CARS1: variants seen among roughly 807,000 people sequenced by gnomAD.
CARS1 encodes cysteine--tRNA ligase, cytoplasmic.
A neutral mutation model predicts 106.2 loss-of-function variants in CARS1; 48 were observed. That is an observed-to-expected ratio of 0.45 (90% CI 0.36 to 0.57). CARS1 has a LOEUF of 0.57. Ranked by LOEUF, CARS1 falls within the 20% of genes least tolerant of loss-of-function variation. The pLI, the probability that CARS1 is intolerant of heterozygous loss-of-function variation, is 0.00. For missense variants in CARS1, 968 were observed against 1,057.2 expected, an observed-to-expected ratio of 0.92 and a Z score of 1.17; for synonymous variants, 409 against 403.4, an observed-to-expected ratio of 1.01 and a Z score of -0.17.
rs1373616997 is a variant in CARS1 at position 3,019,842 on chromosome 11, C to T, written c.1266+378G>A. ...CCTTGACAGCTGCAGATGGTCACGC[C>T]CCTTCCTAGGGTACCCTGCAGTCAA... On this transcript the variant is annotated intron_variant, in intron 11 of 22. Coordinates refer to ENST00000380525, the MANE Select transcript of CARS1 (RefSeq NM_001014437.3). The surrounding 1 kb of genome is among the most constrained non-coding windows in gnomAD (Gnocchi z 6.2). Among the ~76,000 whole-genome samples the T allele has an allele frequency of 6.6e-6, 1 of 152,134 alleles. No homozygotes were observed. The highest frequency in any genetic ancestry group is 1.5e-5 in the Non-Finnish European group (1 of 67,994).
rs1469995236 is a variant in CARS1, at chr11:3,044,745, G to A, written c.275-2489C>T. 6.6e-6 allele frequency among the ~76,000 whole-genome samples: 1 copy of A among 152,088 alleles called. No individual in the cohort carries two copies. The highest frequency in any genetic ancestry group is 1.5e-5 in the Non-Finnish European group (1 of 68,032). On this transcript the variant is annotated intron_variant, in intron 2 of 22. Transcript: ENST00000380525. This position sits in a 1 kb window ranked among gnomAD's most constrained non-coding sequence, Gnocchi z 4.4. ...TGAACACACATTCGTTGATTCCAGA[G>A]TCCCACCCTGACCTGAGTGATCCAA...
intron 17 of CARS1, among the ~76,000 whole-genome samples, chr11:3,015,448 C>G (rs6578314): frequency 6.6e-6 from 1 of 152,242 alleles, no homozygotes; most frequent in East Asian, 1.9e-4. Context: ...GTATATGTGA[C>G]GAAGTCATGT....
intron 18 of CARS1, among the ~76,000 whole-genome samples, chr11:3,011,725 A>G (rs1288303950): frequency 6.6e-6 from 1 of 152,132 alleles, no homozygotes; most frequent in Non-Finnish European, 1.5e-5. Context: ...CAGAAAAGGG[A>G]ACCCTGGAAG....
At chr11:3,056,853 G>A (rs1026638525) in intron 1 of CARS1, among the ~76,000 whole-genome samples, 1 of 152,238 alleles carries the variant, frequency 6.6e-6, no homozygotes, top group Non-Finnish European at 1.5e-5. Context: ...CCGGGGTGAG[G>A]ATGCAAGGGG....
rs1265572198 is a variant in CARS1, at chr11:3,034,656, A to T, written c.801+3394T>A. On this transcript the variant is annotated intron_variant, in intron 7 of 22. Coordinates refer to ENST00000380525, the MANE Select transcript of CARS1 (RefSeq NM_001014437.3). The surrounding 1 kb of genome is among the most constrained non-coding windows in gnomAD (Gnocchi z 6.3). ...GGGATTCTCCCACCTCAGCCTCCCA[A>T]GTAGCTGGGATTACAGGCACACGCC... 6.6e-6 allele frequency among the ~76,000 whole-genome samples: 1 copy of T among 151,900 alleles called. No individual in the cohort carries two copies. The highest frequency in any genetic ancestry group is 2.4e-5 in the African/African-American group (1 of 41,316).
At position 3,043,740 on chromosome 11, in the gene CARS1, A is replaced by G. The variant is rs1362401553; in HGVS notation, c.275-1484T>C. Among the ~76,000 whole-genome samples the G allele has an allele frequency of 1.3e-5, 2 of 152,106 alleles. No homozygotes were observed. Among genetic ancestry groups the G allele is most frequent in the Non-Finnish European group, 2.9e-5 (2 of 68,016 alleles). On this transcript the variant is annotated intron_variant, in intron 2 of 22. Coordinates refer to ENST00000380525, the MANE Select transcript of CARS1 (RefSeq NM_001014437.3). The surrounding 1 kb of genome is among the most constrained non-coding windows in gnomAD (Gnocchi z 4.0). ...TCTCTTGGCCTCCCGGCTCTAGCTC[A>G]GGCCACACGAGCCAGGACGGCAGAC...
At position 3,044,340 on chromosome 11, in the gene CARS1, T is replaced by C. The variant is rs1330919086; in HGVS notation, c.275-2084A>G. Among the ~76,000 whole-genome samples the C allele has an allele frequency of 1.3e-5, 2 of 152,048 alleles. No individual in the cohort carries two copies. The highest frequency in any genetic ancestry group is 2.9e-5 in the Non-Finnish European group (2 of 68,014). ...GCGATGGGCTCCCCAGGAAAACGGG[T>C]TACCAGGCCCAGATATACAAATTCA... On this transcript the variant is annotated intron_variant, in intron 2 of 22. Coordinates refer to ENST00000380525, the MANE Select transcript of CARS1 (RefSeq NM_001014437.3). The surrounding 1 kb of genome is among the most constrained non-coding windows in gnomAD (Gnocchi z 4.4).
intron 10 of CARS1, among the ~76,000 whole-genome samples, chr11:3,024,102 AGG>A (rs1481282668): frequency 6.6e-6 from 1 of 152,138 alleles, no homozygotes; most frequent in African/African-American, 2.4e-5. Flanking sequence ...CACATTGGCC[AGG>A]CTGGTCTCGA....
chr11:3,057,123 C>G (rs1428675506), intron 1 of CARS1, among the ~76,000 whole-genome samples: 1 of 152,052 alleles, frequency 6.6e-6, no homozygotes, highest in Admixed American at 6.6e-5. Flanking sequence ...CCGAGCACCC[C>G]CGCCCCTCGG....
intron 7 of CARS1, among the ~76,000 whole-genome samples, chr11:3,032,029 TCCC>T (rs1852868145): frequency 1.8e-4 from 2 of 11,258 alleles, no homozygotes; most frequent in South Asian, 0.017. Flanking sequence ...CCTCCCTCCC[TCCC>T]TCCCTCCCTC....
chr11:3,055,092 G>A, intron 1 of CARS1: 1 of 623,172 alleles, frequency 1.6e-6, no homozygotes, highest in Non-Finnish European at 2.9e-6. Context: ...AGTCAACTTA[G>A]GGAAGATGGT....
At position 3,029,380 on chromosome 11, in the gene CARS1, C is replaced by T; in HGVS notation, c.865G>A (p.Val289Ile). ...DWLDSTLGCD[V>I]TDNSIFSKLP... ...TTGGAGAAGATGGAATTGTCAGTGA[C>T]ATCACAGCCAAGTGTAGAATCCAGC... is the stretch of plus-strand genomic sequence containing the variant. The change falls in exon 8 of 23, where the codon GTC becomes ATC. Residue 289 changes from valine to isoleucine, a missense_variant. Transcript: ENST00000380525. This position sits in a 1 kb window ranked among gnomAD's most constrained non-coding sequence, Gnocchi z 5.9. 1 of 1,613,938 alleles carries T rather than the reference C, an allele frequency of 6.2e-7. No individual in the cohort carries two copies. The highest frequency in any genetic ancestry group is 8.5e-7 in the Non-Finnish European group (1 of 1,179,792).
In CARS1 at chr11:3,003,466, G is replaced by C. The variant is rs1046120783; in HGVS notation, c.2218-866C>G. Among the ~76,000 whole-genome samples, 1 of 152,196 alleles carries C rather than the reference G, an allele frequency of 6.6e-6. No homozygotes were observed. Among genetic ancestry groups the C allele is most frequent in the Non-Finnish European group, 1.5e-5 (1 of 68,030 alleles). On this transcript the variant is annotated intron_variant, in intron 20 of 22. Coordinates refer to ENST00000380525, the MANE Select transcript of CARS1 (RefSeq NM_001014437.3). This position sits in a 1 kb window ranked among gnomAD's most constrained non-coding sequence, Gnocchi z 4.8. ...CCTGGCCCAGTGGAGCTATCAGGTA[G>C]GCAGCTGGGCAAACTGTTTTTGGGC...
At position 3,036,766 on chromosome 11, in the gene CARS1, C is replaced by T. The variant is rs1289996629; in HGVS notation, c.801+1284G>A. Among the ~76,000 whole-genome samples, 3 of 152,302 alleles carry T rather than the reference C, an allele frequency of 2.0e-5. No individual in the cohort carries two copies. The East Asian group carries it at 5.8e-4, about 29-fold the overall frequency. The stretch of plus-strand genomic sequence containing the variant: ...TACTTGCATCTCCAAAAGGTGGAAA[C>T]AACCCACGTGTCCACGGGCAGGTGA... On this transcript the variant is annotated intron_variant, in intron 7 of 22. Coordinates refer to ENST00000380525, the MANE Select transcript of CARS1 (RefSeq NM_001014437.3).
Position 3,029,414 on chromosome 11 carries a change from G to C in CARS1, c.831C>G (p.Leu277=), listed in dbSNP as rs1322152221. The C allele has an allele frequency of 2.5e-6, 4 of 1,614,072 alleles. No individual in the cohort carries two copies. Among genetic ancestry groups the C allele is most frequent in the Admixed American group, 1.7e-5 (1 of 60,036 alleles). Residue 277 remains leucine (L), a synonymous_variant, in exon 8 of 23, where the codon CTC becomes CTG. Coordinates refer to ENST00000380525, the MANE Select transcript of CARS1 (RefSeq NM_001014437.3). This position sits in a 1 kb window ranked among gnomAD's most constrained non-coding sequence, Gnocchi z 5.9. ...CAAGTGTAGAATCCAGCCAGTCAGA[G>C]AGCAAATCCTTGGCTTCTTCCAGCA... ...EVLLEEAKDL[L]SDWLDSTLGC...
intron 10 of CARS1, among the ~76,000 whole-genome samples, chr11:3,025,221 GTTTTA>G (rs1453693047): frequency 6.6e-6 from 1 of 152,048 alleles, no homozygotes; most frequent in African/African-American, 2.4e-5. Context: ...GTGTTGTCTG[GTTTTA>G]TTTTATTATA....
Position 3,008,811 on chromosome 11 carries a change from A to C in CARS1, c.2069-1852T>G, listed in dbSNP as rs1464911330. 1.3e-5 allele frequency: 2 copies of C among 152,094 alleles called. No individual in the cohort carries two copies. Among genetic ancestry groups the C allele is most frequent in the Non-Finnish European group, 2.9e-5 (2 of 68,036 alleles). 9.4% of individuals were successfully genotyped at this position (152,094 alleles called of 1,614,324 possible). ...CACCTGAGGAGCAGCTGACTGGGGC[A>C]TGAGCTGAGGTAGGTGCCTGCCCTT... On this transcript the variant is annotated intron_variant, in intron 18 of 22. Coordinates refer to ENST00000380525, the MANE Select transcript of CARS1 (RefSeq NM_001014437.3). This position sits in a 1 kb window ranked among gnomAD's most constrained non-coding sequence, Gnocchi z 5.1.
Position 3,006,860 on chromosome 11 carries a change from A to C in CARS1, c.2149+19T>G. On this transcript the variant is annotated intron_variant, in intron 19 of 22. Coordinates refer to ENST00000380525, the MANE Select transcript of CARS1 (RefSeq NM_001014437.3). ...CAAGCTCCTGGTAACTTTGTAGCAA[A>C]CAGCAAGGGCTCACCCACCTTCGTG... The C allele has an allele frequency of 6.2e-7, 1 of 1,607,050 alleles. No homozygotes were observed. The highest frequency in any genetic ancestry group is 8.5e-7 in the Non-Finnish European group (1 of 1,173,610).
In CARS1 at chr11:3,028,589, T is replaced by C. The variant is rs901067390; in HGVS notation, c.1031+407A>G. On this transcript the variant is annotated intron_variant, in intron 9 of 22. Transcript: ENST00000380525. The surrounding 1 kb of genome is among the most constrained non-coding windows in gnomAD (Gnocchi z 4.4). ...TGCCAACAAAAAGTCACTAAAATCA[T>C]AGCCAAGCGATAGATGCTGATGAAA... The C allele has an allele frequency of 1.5e-5, 4 of 265,910 alleles. No homozygotes were observed. Among genetic ancestry groups the C allele is most frequent in the Non-Finnish European group, 2.8e-5 (4 of 142,842 alleles). 16.5% of individuals were successfully genotyped at this position (265,910 alleles called of 1,614,324 possible).
Sources: gnomAD v4.1 joint callset for allele counts (sites outside exome capture counted in the v4.1 genomes callset) on GRCh38, gnomAD v4.1.1 for gene constraint, Gnocchi (gnomAD v3.1) non-coding constraint, MANE v1.5 for transcripts, NCBI Gene and HGNC (gene_info 2026-07-23, HGNC 2026-07-21) for gene names.